Variants in COMMD10 observed in about 807,000 individuals in gnomAD.
The protein encoded by COMMD10 is COMM domain containing 10.
In COMMD10, 33 loss-of-function variants were observed where a neutral mutation model predicts 28.9. The ratio of observed to expected loss-of-function variants is 1.14; its 90% CI spans 0.87 to 1.53. The LOEUF is 1.53. Ranked by LOEUF, COMMD10 falls within the 40% of genes most tolerant of loss-of-function variation. The pLI is 0.00. For synonymous variants in COMMD10, 110 were observed against 81.7 expected, an observed-to-expected ratio of 1.35 and a Z score of -1.87; for missense variants, 310 against 233.4, an observed-to-expected ratio of 1.33 and a Z score of -2.14.
intron 5 of COMMD10, among the ~76,000 whole-genome samples, chr5:116,221,746 T>G (rs890427881): frequency 6.6e-6 from 1 of 152,208 alleles, no homozygotes; most frequent in Non-Finnish European, 1.5e-5. Flanking sequence ...TTTTCAACAT[T>G]ATGCTTTAGT....
At chr5:116,214,797 C>T (rs933177766) in intron 5 of COMMD10, among the ~76,000 whole-genome samples, 14 of 152,028 alleles carry the variant, frequency 9.2e-5, no homozygotes, top group African/African-American at 3.4e-4. Flanking sequence ...ACATTGTTTC[C>T]TGCAGTGATT....
chr5:116,141,084 A>G (rs922230798), intron 5 of COMMD10, among the ~76,000 whole-genome samples: 2 of 151,678 alleles, frequency 1.3e-5, no homozygotes, highest in African/African-American at 2.4e-5. Flanking sequence ...TAGGTCTTTT[A>G]TCTCTTTTGA....
At chr5:116,130,931 G>A (rs1486004605) in intron 4 of COMMD10, among the ~76,000 whole-genome samples, 1 of 151,922 alleles carries the variant, frequency 6.6e-6, no homozygotes, top group African/African-American at 2.4e-5. Flanking sequence ...CAAAATACTT[G>A]ATAGTTTCTT....
chr5:116,257,418 G>T (rs1445313330), intron 5 of COMMD10, among the ~76,000 whole-genome samples: 2 of 151,662 alleles, frequency 1.3e-5, no homozygotes, highest in Non-Finnish European at 1.5e-5. Context: ...GTACTAACCA[G>T]TTCCAGATGT....
chr5:116,226,661 A>G (rs199965737), intron 5 of COMMD10, among the ~76,000 whole-genome samples: 1 of 63,696 alleles, frequency 1.6e-5, no homozygotes, highest in African/African-American at 2.8e-4. Context: ...ACACAAGGGA[A>G]AAAAAAAATT....
rs372901771 is a variant in COMMD10 at position 116,166,262 on chromosome 5, C to G, written c.510+32084C>G. ...GTTTTTTATAAAAATGTACAATGTTCCTTTTTCTATTATTTGTAGAGCTTA... is the reference window on the plus strand; with the variant it reads ...GTTTTTTATAAAAATGTACAATGTTGCTTTTTCTATTATTTGTAGAGCTTA... On this transcript the variant is annotated intron_variant, in intron 5 of 6. Coordinates refer to ENST00000274458, the MANE Select transcript of COMMD10 (RefSeq NM_016144.4). Among the ~76,000 whole-genome samples the G allele has an allele frequency of 7.2e-5, 11 of 152,124 alleles. No homozygotes were observed. The East Asian group carries it at 1.2e-3, about 16-fold the overall frequency.
rs59309811 is a variant in COMMD10 at position 116,146,761 on chromosome 5, T to G, written c.510+12583T>G. Among the ~76,000 whole-genome samples the G allele has an allele frequency of 5.3e-5, 8 of 152,004 alleles. No individual in the cohort carries two copies. The South Asian group carries it at 1.0e-3, about 20-fold the overall frequency. The stretch of plus-strand genomic sequence containing the variant: ...AATTATTTAGAGGAAGTTAAACTTA[T>G]ATGAAGAGGAAGAATACTTGTAACT... On this transcript the variant is annotated intron_variant, in intron 5 of 6. Transcript: ENST00000274458.
At chr5:116,089,244 A>G (rs1750219883) in intron 2 of COMMD10, among the ~76,000 whole-genome samples, 1 of 152,200 alleles carries the variant, frequency 6.6e-6, no homozygotes, top group Non-Finnish European at 1.5e-5. Context: ...ATCTCTGGTC[A>G]TCTTCATTTT....
chr5:116,094,089 T>C (rs530559446), intron 4 of COMMD10, among the ~76,000 whole-genome samples: 53 of 152,114 alleles, frequency 3.5e-4, no homozygotes, highest in African/African-American at 1.2e-3. Context: ...ACAGGAGAAA[T>C]ACTCCAGGAC....
chr5:116,102,190 G>A (rs906194886), intron 4 of COMMD10, among the ~76,000 whole-genome samples: 1 of 152,126 alleles, frequency 6.6e-6, no homozygotes, highest in Non-Finnish European at 1.5e-5. Context: ...TAAATTTCAA[G>A]TATTCCATTG....
At position 116,237,483 on chromosome 5, in the gene COMMD10, C is replaced by T. The variant is rs1749698732; in HGVS notation, c.511-54034C>T. 2.6e-5 allele frequency among the ~76,000 whole-genome samples: 4 copies of T among 152,062 alleles called. No homozygotes were observed. In the South Asian group the frequency reaches 8.3e-4, roughly 32 times the overall value. Reference sequence around the variant, plus strand: ...ATAAACTTGAAAAAAAATACTACATCAAGCTTTTATTTTAAAATGTAGATA... The same window carrying T: ...ATAAACTTGAAAAAAAATACTACATTAAGCTTTTATTTTAAAATGTAGATA... On this transcript the variant is annotated intron_variant, in intron 5 of 6. Transcript: ENST00000274458.
At chr5:116,256,735 A>G (rs1020999710) in intron 5 of COMMD10, among the ~76,000 whole-genome samples, 1 of 151,812 alleles carries the variant, frequency 6.6e-6, no homozygotes, top group Admixed American at 6.6e-5. Flanking sequence ...TATATCATAA[A>G]CATATAGGTT....
chr5:116,242,293 G>T (rs192262527), intron 5 of COMMD10, among the ~76,000 whole-genome samples: 257 of 152,326 alleles, frequency 1.7e-3, no homozygotes, highest in African/African-American at 5.8e-3. Flanking sequence ...TTAGTATGAT[G>T]ATATGGTAGA....
chr5:116,143,511 T>A (rs1752255537), intron 5 of COMMD10, among the ~76,000 whole-genome samples: 1 of 151,830 alleles, frequency 6.6e-6, no homozygotes, highest in Non-Finnish European at 1.5e-5. Context: ...AAACAAATAC[T>A]GTCTTCACTT....
intron 5 of COMMD10, among the ~76,000 whole-genome samples, chr5:116,226,260 A>G (rs978182635): frequency 3.9e-5 from 6 of 152,026 alleles, no homozygotes; most frequent in Non-Finnish European, 8.8e-5. Flanking sequence ...TTTCAGCATG[A>G]TCAGAAGTTA....
intron 5 of COMMD10, among the ~76,000 whole-genome samples, chr5:116,237,529 G>C (rs928107258): frequency 6.6e-6 from 1 of 151,926 alleles, no homozygotes; most frequent in Non-Finnish European, 1.5e-5. Flanking sequence ...AAAAAAAATT[G>C]CCAAGCGCAA....
chr5:116,126,821 C>G (rs183890795), intron 4 of COMMD10, among the ~76,000 whole-genome samples: 1,550 of 152,160 alleles, frequency 0.01, 15 homozygotes, highest in African/African-American at 0.031. Context: ...CCATAAAAAC[C>G]CTAGGAGGAA....
intron 5 of COMMD10, among the ~76,000 whole-genome samples, chr5:116,166,394 G>A (rs1366864141): frequency 6.6e-6 from 1 of 152,098 alleles, no homozygotes. Context: ...GCACTCTAGG[G>A]GAAGTTCTGG....
chr5:116,287,485 T>A (rs1036465339), intron 5 of COMMD10, among the ~76,000 whole-genome samples: 1 of 151,766 alleles, frequency 6.6e-6, no homozygotes, highest in African/African-American at 2.4e-5. Flanking sequence ...AAAGTATGTC[T>A]CTTGTAAACA....
Sources: allele counts gnomAD v4.1 joint callset (sites outside exome capture counted in the v4.1 genomes callset), GRCh38; gene constraint gnomAD v4.1.1; transcripts MANE v1.5; gene names NCBI Gene and HGNC (gene_info 2026-07-23, HGNC 2026-07-21).